The following CSMD1 variants were observed in gnomAD, a reference collection of about 807,000 sequenced individuals.
CSMD1 encodes CUB and sushi domain-containing protein 1.
A neutral mutation model predicts 417.5 loss-of-function variants in CSMD1; 213 were observed. The ratio of observed to expected loss-of-function variants is 0.51; its 90% CI spans 0.46 to 0.57. The LOEUF is 0.57. Among genes scored for constraint, CSMD1 ranks in the 20% least tolerant of loss-of-function variants. The pLI, the probability that CSMD1 is intolerant of heterozygous loss-of-function variation, is 0.00. For synonymous variants in CSMD1, 2,862 were observed against 1,736.8 expected (o/e 1.65, Z -16.11); for missense variants, 6,923 against 4,529.7 (o/e 1.53, Z -15.17).
intron 5 of CSMD1, among the ~76,000 whole-genome samples, chr8:3,845,436 A>C (rs998427106): frequency 1.3e-5 from 2 of 152,198 alleles, no homozygotes; most frequent in Non-Finnish European, 2.9e-5. Flanking sequence ...GTATCTAAGC[A>C]TATCTAACCA....
At chr8:4,771,140 G>A (rs989533880) in intron 1 of CSMD1, among the ~76,000 whole-genome samples, 18 of 152,288 alleles carry the variant, frequency 1.2e-4, no homozygotes, top group Admixed American at 1.1e-3. Flanking sequence ...GTGAAGATAT[G>A]ATTCAGTTTA....
rs1299680793 is a variant in CSMD1, at chr8:3,795,417, ATATC to A, written c.819-41379_819-41376del. On this transcript the variant is annotated intron_variant, in intron 5 of 69. Transcript: ENST00000635120. ...AGATATCTATCATAGATATAGATATATATCTATCATAGATATAGATATATATCTA... is the reference window on the plus strand; with the variant it reads ...AGATATCTATCATAGATATAGATATATATCATAGATATAGATATATATCTA... Among the ~76,000 whole-genome samples, 4 of 37,600 alleles carry A rather than the reference ATATC, an allele frequency of 1.1e-4. 2 individuals carry two copies. Among genetic ancestry groups the A allele is most frequent in the East Asian group, 1.7e-3 (2 of 1,172 alleles). 24.7% of individuals were successfully genotyped at this position (37,600 alleles called of 152,430 possible). A position where few individuals can be genotyped will look rare whatever the true frequency, so the allele number is the denominator to read the frequency against.
intron 10 of CSMD1, among the ~76,000 whole-genome samples, chr8:3,569,792 C>T (rs1329075566): frequency 6.6e-6 from 1 of 152,112 alleles, no homozygotes; most frequent in Non-Finnish European, 1.5e-5. Flanking sequence ...GGTAATTCTG[C>T]TTAATTGAGA....
chr8:3,439,331 T>G (rs1814816810), intron 12 of CSMD1, among the ~76,000 whole-genome samples: 1 of 134,200 alleles, frequency 7.5e-6, no homozygotes, highest in African/African-American at 2.9e-5. Flanking sequence ...AATATGTATT[T>G]TTAATTTTGG....
chr8:4,181,844 A>G (rs945367064), intron 3 of CSMD1, among the ~76,000 whole-genome samples: 1 of 152,216 alleles, frequency 6.6e-6, no homozygotes, highest in African/African-American at 2.4e-5. Context: ...GTACAAATAA[A>G]ATGATAAATT....
intron 3 of CSMD1, among the ~76,000 whole-genome samples, chr8:4,160,900 C>G (rs1430287826): frequency 2.6e-5 from 4 of 152,168 alleles, no homozygotes; most frequent in African/African-American, 9.7e-5. Context: ...TTGTTCTCTG[C>G]TGAACAAGTG....
intron 9 of CSMD1, among the ~76,000 whole-genome samples, chr8:3,578,677 A>T (rs1016917588): frequency 3.3e-5 from 5 of 152,086 alleles, no homozygotes; most frequent in Non-Finnish European, 5.9e-5. Flanking sequence ...TTTTCACTTC[A>T]TGCAAAGAAC....
At chr8:3,948,208 A>G (rs1811365998) in intron 5 of CSMD1, among the ~76,000 whole-genome samples, 1 of 152,180 alleles carries the variant, frequency 6.6e-6, no homozygotes, top group South Asian at 2.1e-4. Flanking sequence ...CGTCTAAATA[A>G]TAACAATAAT....
chr8:4,961,798 T>C (rs1227567331), intron 1 of CSMD1, among the ~76,000 whole-genome samples: 1 of 152,148 alleles, frequency 6.6e-6, no homozygotes, highest in East Asian at 1.9e-4. Context: ...TTGTATTGTT[T>C]GACAAATACT....
At chr8:4,497,403 G>T (rs553492417) in intron 2 of CSMD1, among the ~76,000 whole-genome samples, 68 of 152,268 alleles carry the variant, frequency 4.5e-4, no homozygotes, top group African/African-American at 1.6e-3. Context: ...GTCAATGATT[G>T]TATTTTGGGG....
At chr8:3,010,308 C>T (rs1332635166) in intron 52 of CSMD1, among the ~76,000 whole-genome samples, 2 of 152,188 alleles carry the variant, frequency 1.3e-5, no homozygotes, top group African/African-American at 2.4e-5. Context: ...TCTAATTTTT[C>T]GTACCTATGC....
At chr8:4,709,997 T>C (rs1254032771) in intron 1 of CSMD1, among the ~76,000 whole-genome samples, 1 of 152,100 alleles carries the variant, frequency 6.6e-6, no homozygotes, top group Non-Finnish European at 1.5e-5. Context: ...AACTGGGTAA[T>C]TAAATAAAAA....
chr8:4,744,388 A>T (rs1810817393), intron 1 of CSMD1, among the ~76,000 whole-genome samples: 1 of 151,990 alleles, frequency 6.6e-6, no homozygotes, highest in Non-Finnish European at 1.5e-5. Context: ...CTCTTCTCCA[A>T]CCTCTCAGTT....
chr8:3,658,850 T>A (rs1455309188), intron 7 of CSMD1, among the ~76,000 whole-genome samples: 1 of 152,186 alleles, frequency 6.6e-6, no homozygotes, highest in African/African-American at 2.4e-5. Context: ...ACATTGAAGG[T>A]TTTCTCCTAA....
chr8:3,302,041 G>T (rs973816773), intron 25 of CSMD1, among the ~76,000 whole-genome samples: 3 of 152,012 alleles, frequency 2.0e-5, no homozygotes, highest in African/African-American at 7.2e-5. Flanking sequence ...GGAAATTATT[G>T]GATATTGAGG....
At position 3,586,258 on chromosome 8, in the gene CSMD1, A is replaced by T; in HGVS notation, c.1100T>A (p.Val367Asp). The T allele has an allele frequency of 6.4e-7, 1 of 1,559,550 alleles. No individual in the cohort carries two copies. The highest frequency in any genetic ancestry group is 1.2e-5 in the South Asian group (1 of 82,442). Residue 367 changes from valine (V) to aspartate (D), a missense_variant and splice_region_variant, in exon 9 of 70, where the codon GTT becomes GAT. By Grantham distance (152) the Val-to-Asp change is radical. Transcript: ENST00000635120. ...ACATGAAAACTGTACATTTGCACCA[A>T]CCCTAAGCCGTTAAAAAAGAAAAAA... Reference protein sequence around the residue: ...NGRRAGSDFRVGANVQFSCED... With the variant: ...NGRRAGSDFRDGANVQFSCED...
At chr8:4,991,946 C>T (rs1327366126) in intron 1 of CSMD1, among the ~76,000 whole-genome samples, 5 of 152,164 alleles carry the variant, frequency 3.3e-5, no homozygotes, top group Non-Finnish European at 5.9e-5. Flanking sequence ...CAGACAATAG[C>T]GCAGTGAGAG....
chr8:4,309,488 C>A (rs550957052), intron 3 of CSMD1, among the ~76,000 whole-genome samples: 11 of 151,894 alleles, frequency 7.2e-5, no homozygotes, highest in African/African-American at 2.2e-4. Context: ...AATGCATTTT[C>A]TCTCATCAAA....
chr8:4,163,304 C>A (rs1271404186), intron 3 of CSMD1, among the ~76,000 whole-genome samples: 1 of 152,114 alleles, frequency 6.6e-6, no homozygotes, highest in East Asian at 1.9e-4. Context: ...TCTAAGAAAC[C>A]ACCCAATTGT....
Sources: allele counts gnomAD v4.1 joint callset (sites outside exome capture counted in the v4.1 genomes callset), GRCh38; gene constraint gnomAD v4.1.1; transcripts MANE v1.5; gene names NCBI Gene and HGNC (gene_info 2026-07-23, HGNC 2026-07-21).